Variants in DACH2 observed in about 807,000 individuals in gnomAD.
DACH2 encodes dachshund family transcription factor 2, also known as dachshund homolog 2.
A neutral mutation model predicts 35.8 loss-of-function variants in DACH2; 17 were observed. The observed-to-expected ratio is 0.48, with a 90% CI of 0.33 to 0.71. The LOEUF is 0.71. Ranked by LOEUF, DACH2 falls within the 30% of genes least tolerant of loss-of-function variation. The pLI, the probability that DACH2 is intolerant of heterozygous loss-of-function variation, is 0.02. For synonymous variants in DACH2, 195 were observed against 177.3 expected (o/e 1.10, Z -0.79); for missense variants, 469 against 472.7 (o/e 0.99, Z 0.07).
chrX:86,445,492 A>G (rs1444989999), intron 2 of DACH2, among the ~76,000 whole-genome samples: 3 of 90,289 alleles, frequency 3.3e-5, no homozygotes, highest in Non-Finnish European at 6.5e-5. Flanking sequence ...CATGTACCCT[A>G]AAACTTAAAG....
chrX:86,610,401 CT>C (rs779516510), intron 3 of DACH2, among the ~76,000 whole-genome samples: 4 of 76,886 alleles, frequency 5.2e-5, no homozygotes, highest in African/African-American at 1.1e-4. Context: ...TTCTTTCTTT[CT>C]TTCTTTCTTT....
In DACH2 at chrX:86,345,823, C is replaced by T. The variant is rs187965674; in HGVS notation, c.489-31001C>T. On this transcript the variant is annotated intron_variant, in intron 1 of 11. Coordinates refer to ENST00000373125, the MANE Select transcript of DACH2 (RefSeq NM_053281.3). ...GGGCATTTTAGTTTACAGTTTTGCT[C>T]TGAGTAACATTTAGATGCTTTTTTC... 2.7e-5 allele frequency among the ~76,000 whole-genome samples: 3 copies of T among 111,403 alleles called. No individual in the cohort carries two copies. The East Asian group carries it at 8.5e-4, about 32-fold the overall frequency.
intron 1 of DACH2, among the ~76,000 whole-genome samples, chrX:86,216,734 A>G: frequency 9.2e-6 from 1 of 109,251 alleles, no homozygotes; most frequent in Admixed American, 9.6e-5. Flanking sequence ...AGGGATTTGG[A>G]AAAAATTTAT....
intron 1 of DACH2, among the ~76,000 whole-genome samples, chrX:86,359,109 G>GTT (rs748214989): frequency 9.2e-6 from 1 of 109,018 alleles, no homozygotes; most frequent in East Asian, 2.9e-4. Flanking sequence ...GTGTGTGTGT[G>GTT]TGTGTTTGTG....
intron 1 of DACH2, among the ~76,000 whole-genome samples, chrX:86,250,299 A>G (rs1173281399): frequency 9.0e-6 from 1 of 111,722 alleles, no homozygotes; most frequent in Non-Finnish European, 1.9e-5. Flanking sequence ...GGAAGATTTG[A>G]GATTATCAAA....
At chrX:86,277,316 T>G (rs1602346567) in intron 1 of DACH2, among the ~76,000 whole-genome samples, 1 of 112,008 alleles carries the variant, frequency 8.9e-6, no homozygotes, top group South Asian at 3.7e-4. Flanking sequence ...TGATTTCTTT[T>G]TCAGATTGTT....
chrX:86,397,870 G>T (rs1167718903), intron 2 of DACH2, among the ~76,000 whole-genome samples: 2 of 111,675 alleles, frequency 1.8e-5, no homozygotes, highest in Admixed American at 9.5e-5. Flanking sequence ...TTGTGTCTCT[G>T]CCAGGCTTTG....
At chrX:86,524,967 G>T (rs1190660188) in intron 3 of DACH2, among the ~76,000 whole-genome samples, 2 of 111,337 alleles carry the variant, frequency 1.8e-5, no homozygotes, top group African/African-American at 6.5e-5. Flanking sequence ...ATGTTATAAA[G>T]AACTATTTTC....
At position 86,563,400 on chromosome X, in the gene DACH2, G is replaced by T. The variant is rs368167699; in HGVS notation, c.640+49009G>T. On this transcript the variant is annotated intron_variant, in intron 3 of 11. Transcript: ENST00000373125. ...TTACATGGGTATTGCCACCTTGATA[G>T]TTCCACTAGTTGTAATACAGGGTTT... Among the ~76,000 whole-genome samples, 29 of 110,597 alleles carry T rather than the reference G, an allele frequency of 2.6e-4. No homozygotes were observed. The East Asian group carries it at 2.9e-3, about 11-fold the overall frequency.
intron 6 of DACH2, among the ~76,000 whole-genome samples, chrX:86,720,273 C>T (rs896583862): frequency 9.1e-6 from 1 of 110,217 alleles, no homozygotes; most frequent in Non-Finnish European, 1.9e-5. Context: ...CGGCATTAAC[C>T]CAAAAGTCCA....
chrX:86,414,832 C>T (rs1372429619), intron 2 of DACH2, among the ~76,000 whole-genome samples: 1 of 111,489 alleles, frequency 9.0e-6, no homozygotes, highest in Non-Finnish European at 1.9e-5. Flanking sequence ...AGCAGAGTCC[C>T]TACTTAGTGG....
At chrX:86,419,257 T>TC (rs754533131) in intron 2 of DACH2, among the ~76,000 whole-genome samples, 1 of 111,985 alleles carries the variant, frequency 8.9e-6, no homozygotes, top group African/African-American at 3.2e-5. Flanking sequence ...AACGCCCAAC[T>TC]CTACTGGTAC....
intron 3 of DACH2, among the ~76,000 whole-genome samples, chrX:86,620,640 A>G (rs755163260): frequency 2.7e-4 from 30 of 111,304 alleles, no homozygotes; most frequent in Non-Finnish European, 4.7e-4. Flanking sequence ...GATTTATTCC[A>G]GAGAACAGTA....
chrX:86,227,712 A>G (rs767983856), intron 1 of DACH2, among the ~76,000 whole-genome samples: 1 of 107,096 alleles, frequency 9.3e-6, no homozygotes, highest in Admixed American at 1.0e-4. Context: ...TTCCTGTCCT[A>G]TGCTATTCTT....
intron 1 of DACH2, among the ~76,000 whole-genome samples, chrX:86,149,571 C>A (rs781563471): frequency 4.5e-5 from 5 of 111,765 alleles, no homozygotes; most frequent in African/African-American, 1.6e-4. Flanking sequence ...GCATTTGGGG[C>A]ATGCAGGGGG....
At chrX:86,646,557 C>T (rs372400148) in intron 3 of DACH2, among the ~76,000 whole-genome samples, 3 of 103,006 alleles carry the variant, frequency 2.9e-5, no homozygotes, top group Non-Finnish European at 5.7e-5. Context: ...GATATGACAC[C>T]AAAAGCATGG....
At chrX:86,601,188 C>T (rs1303745774) in intron 3 of DACH2, among the ~76,000 whole-genome samples, 3 of 111,038 alleles carry the variant, frequency 2.7e-5, no homozygotes, top group African/African-American at 6.5e-5. Context: ...ATTCATATAC[C>T]CCAAACAGTT....
intron 4 of DACH2, among the ~76,000 whole-genome samples, chrX:86,671,323 A>G (rs1381757477): frequency 8.9e-6 from 1 of 112,200 alleles, no homozygotes; most frequent in African/African-American, 3.2e-5. Context: ...CAGATTAACT[A>G]GTTTTAGCTT....
chrX:86,168,281 A>T (rs1172536414), intron 1 of DACH2, among the ~76,000 whole-genome samples: 4 of 111,709 alleles, frequency 3.6e-5, no homozygotes, highest in Non-Finnish European at 7.6e-5. Context: ...CTTTATCATT[A>T]TATAGTGACC....
Sources: allele counts gnomAD v4.1 joint callset (sites outside exome capture counted in the v4.1 genomes callset), GRCh38; gene constraint gnomAD v4.1.1; transcripts MANE v1.5; gene names NCBI Gene and HGNC (gene_info 2026-07-23, HGNC 2026-07-21).